Variants in COL22A1 observed in about 807,000 individuals in gnomAD.
COL22A1 encodes the protein collagen alpha-1(XXII) chain.
Under a neutral mutation model 248.9 loss-of-function variants are expected in COL22A1, and 221 were observed. That is an observed-to-expected ratio of 0.89 (90% CI 0.80 to 0.99). The LOEUF (loss-of-function observed/expected upper bound fraction) is 0.99, where lower values mean the gene tolerates loss of function less well. Ranked by LOEUF, COL22A1 falls within the 50% of genes least tolerant of loss-of-function variation. COL22A1 has a pLI of 0.00. For synonymous variants in COL22A1, 891 were observed against 793.4 expected (o/e 1.12, Z -2.07); for missense variants, 2,240 against 2,179.0 (o/e 1.03, Z -0.56).
chr8:138,888,058 A>G (rs1824796384), intron 1 of COL22A1, among the ~76,000 whole-genome samples: 1 of 152,136 alleles, frequency 6.6e-6, no homozygotes, highest in Non-Finnish European at 1.5e-5. Context: ...CGTATTTTTC[A>G]TTGTTAAAGC....
chr8:138,750,763 CA>C, intron 22 of COL22A1, among the ~76,000 whole-genome samples: 1 of 152,276 alleles, frequency 6.6e-6, no homozygotes, highest in East Asian at 1.9e-4. Context: ...TTAACGGTTA[CA>C]GTTCAACAAA....
intron 3 of COL22A1, among the ~76,000 whole-genome samples, chr8:138,857,888 C>G (rs536432000): frequency 6.6e-6 from 1 of 152,338 alleles, no homozygotes; most frequent in Non-Finnish European, 1.5e-5. Flanking sequence ...TGCCTCCTTC[C>G]CATAAACCCA....
chr8:138,816,040 A>T (rs1818660279), intron 7 of COL22A1, among the ~76,000 whole-genome samples: 1 of 152,200 alleles, frequency 6.6e-6, no homozygotes, highest in South Asian at 2.1e-4. Flanking sequence ...CAGAAACAGG[A>T]GAAAATGACA....
At chr8:138,735,180 A>C (rs947459231) in intron 23 of COL22A1, among the ~76,000 whole-genome samples, 5 of 152,212 alleles carry the variant, frequency 3.3e-5, no homozygotes, top group African/African-American at 1.2e-4. Context: ...ACTTACAGTA[A>C]AATAAAATTA....
intron 37 of COL22A1, among the ~76,000 whole-genome samples, chr8:138,688,289 G>T (rs1043450843): frequency 6.6e-6 from 1 of 152,056 alleles, no homozygotes; most frequent in South Asian, 2.1e-4. Flanking sequence ...GGGAGGCCAA[G>T]GCGGGTGGAT....
chr8:138,837,855 C>T (rs1324653398), intron 4 of COL22A1, among the ~76,000 whole-genome samples: 2 of 152,120 alleles, frequency 1.3e-5, no homozygotes, highest in African/African-American at 4.8e-5. Flanking sequence ...GAGACCAGCC[C>T]ATTCTAGGTT....
Position 138,755,076 on chromosome 8 carries a change from C to T in COL22A1, c.2031+81G>A. On this transcript the variant is annotated intron_variant, in intron 21 of 64. Transcript: ENST00000303045. Reference sequence around the variant, plus strand: ...GCTTGAGATAATGCCATGCTCAGCGCCGGGAATGACTCTGATCTTCCAAAC... The same window carrying T: ...GCTTGAGATAATGCCATGCTCAGCGTCGGGAATGACTCTGATCTTCCAAAC... 5 of 1,407,566 alleles carry T rather than the reference C, an allele frequency of 3.6e-6. No individual in the cohort carries two copies. The African/African-American group carries it at 4.2e-5, about 12-fold the overall frequency. The allele number at this position is 1,407,566 out of a possible 1,614,324, so 87.2% of individuals were successfully genotyped here. A position where few individuals can be genotyped will look rare whatever the true frequency, so the allele number is the denominator to read the frequency against.
intron 43 of COL22A1, among the ~76,000 whole-genome samples, chr8:138,660,839 GAC>G (rs776816939): frequency 0.2 from 17,848 of 89,440 alleles, 1,679 homozygotes; most frequent in African/African-American, 0.38. Flanking sequence ...TACACACACA[GAC>G]ACACACACAC....
intron 62 of COL22A1, among the ~76,000 whole-genome samples, chr8:138,595,918 G>C (rs1817501421): frequency 6.6e-6 from 1 of 152,190 alleles, no homozygotes; most frequent in Non-Finnish European, 1.5e-5. Context: ...CAGAGGGAAT[G>C]GGAAAGGCTG....
At chr8:138,770,153 T>C (rs553460337) in intron 16 of COL22A1, among the ~76,000 whole-genome samples, 102 of 152,334 alleles carry the variant, frequency 6.7e-4, no homozygotes, top group Non-Finnish European at 1.1e-3. Flanking sequence ...CTTCCCATTT[T>C]GAGGCCCCTC....
At chr8:138,805,317 G>GTGTGTGATGGTGTGGC (rs1269503281) in intron 10 of COL22A1, among the ~76,000 whole-genome samples, 41 of 96,222 alleles carry the variant, frequency 4.3e-4, no homozygotes, top group South Asian at 3.9e-3. Flanking sequence ...TGTTTGGTGT[G>GTGTGTGATGGTGTGGC]TGTGTGATGG....
intron 23 of COL22A1, among the ~76,000 whole-genome samples, chr8:138,726,600 C>G (rs889189238): frequency 1.3e-5 from 2 of 151,992 alleles, no homozygotes; most frequent in African/African-American, 2.4e-5. Context: ...CGTTCTTGCA[C>G]CTGGGAGTGA....
intron 22 of COL22A1, among the ~76,000 whole-genome samples, chr8:138,739,690 C>G (rs944971406): frequency 1.3e-5 from 2 of 152,286 alleles, no homozygotes; most frequent in Non-Finnish European, 1.5e-5. Flanking sequence ...ATAAATCATC[C>G]CTTTGAGAAC....
At chr8:138,830,475 T>C (rs1160620366) in intron 5 of COL22A1, among the ~76,000 whole-genome samples, 2 of 152,238 alleles carry the variant, frequency 1.3e-5, no homozygotes, top group African/African-American at 4.8e-5. Context: ...ATAATATCCT[T>C]TCTTGAAATG....
intron 3 of COL22A1, among the ~76,000 whole-genome samples, chr8:138,870,312 G>A (rs1285774755): frequency 6.6e-6 from 1 of 151,852 alleles, no homozygotes; most frequent in Non-Finnish European, 1.5e-5. Flanking sequence ...GGTGTATGGT[G>A]TGTGTATATA....
intron 41 of COL22A1, among the ~76,000 whole-genome samples, chr8:138,664,252 CACACAGAT>C (rs1325083878): frequency 6.8e-6 from 1 of 147,356 alleles, no homozygotes; most frequent in Non-Finnish European, 1.5e-5. Context: ...CACACACACA[CACACAGAT>C]ACAGACACAC....
At chr8:138,804,915 G>A (rs1817347976) in intron 10 of COL22A1, among the ~76,000 whole-genome samples, 1 of 150,536 alleles carries the variant, frequency 6.6e-6, no homozygotes, top group Non-Finnish European at 1.5e-5. Context: ...GTGTGTGATG[G>A]GGTGTGTGTG....
chr8:138,816,952 G>C lies in COL22A1; in HGVS notation c.1246-3933C>G, dbSNP rs146779767. Among the ~76,000 whole-genome samples, 215 of 152,286 alleles carry C rather than the reference G, an allele frequency of 1.4e-3. 1 individual carries two copies. Among genetic ancestry groups the C allele is most frequent in the Middle Eastern group, 6.8e-3 (2 of 294 alleles). ...ATTATTCTCTATTGCCTCTAACCCA[G>C]CTGAGAACTCCCCATGTGCCAGGCA... On this transcript the variant is annotated intron_variant, in intron 7 of 64. Transcript: ENST00000303045.
At chr8:138,683,856 C>A (rs763950359) in intron 39 of COL22A1, among the ~76,000 whole-genome samples, 3 of 152,136 alleles carry the variant, frequency 2.0e-5, no homozygotes, top group African/African-American at 7.2e-5. Flanking sequence ...TTAGACCTAT[C>A]GCTCTGCCGA....
Sources: gnomAD v4.1 joint callset for allele counts (sites outside exome capture counted in the v4.1 genomes callset) on GRCh38, gnomAD v4.1.1 for gene constraint, MANE v1.5 for transcripts, NCBI Gene and HGNC (gene_info 2026-07-23, HGNC 2026-07-21) for gene names.